DMD: variants seen among roughly 807,000 people sequenced by gnomAD.
DMD encodes dystrophin.
In DMD, 63 loss-of-function variants were observed where a neutral mutation model predicts 330.1. That is an observed-to-expected ratio of 0.19 (90% confidence interval 0.16 to 0.24). The LOEUF is 0.24. Among genes scored for constraint, DMD ranks in the 10% least tolerant of loss-of-function variants. The probability of loss-of-function intolerance (pLI) is 1.00; values close to 1 mark genes in which losing one functional copy is unlikely to be tolerated. For missense variants in DMD, 3,344 were observed against 2,684.1 expected, an observed-to-expected ratio of 1.25 and a Z score of -5.43; for synonymous variants, 1,223 against 959.8, an observed-to-expected ratio of 1.27 and a Z score of -5.07.
intron 16 of DMD, among the ~76,000 whole-genome samples, chrX:32,562,546 T>C (rs1024970991): frequency 3.5e-5 from 4 of 112,865 alleles, no homozygotes; most frequent in African/African-American, 6.4e-5. Flanking sequence ...GCTCATTCTT[T>C]ATACTAATTA....
At chrX:32,254,937 T>A (rs1007505566) in intron 43 of DMD, among the ~76,000 whole-genome samples, 5 of 111,707 alleles carry the variant, frequency 4.5e-5, no homozygotes, top group Non-Finnish European at 9.4e-5. Flanking sequence ...CCACCATCTA[T>A]CTCCAAAACT....
chrX:32,822,686 A>G (rs1279868514), intron 5 of DMD, among the ~76,000 whole-genome samples: 1 of 109,708 alleles, frequency 9.1e-6, no homozygotes, highest in East Asian at 2.9e-4. Context: ...GACACATTAT[A>G]TATATACGCA....
chrX:32,179,847 C>T (rs1339412712), intron 44 of DMD, among the ~76,000 whole-genome samples: 1 of 111,650 alleles, frequency 9.0e-6, no homozygotes, highest in East Asian at 2.8e-4. Flanking sequence ...CCTGCACACG[C>T]TCTTGCCTGC....
At chrX:31,642,185 T>G (rs1431698365) in intron 54 of DMD, among the ~76,000 whole-genome samples, 1 of 112,270 alleles carries the variant, frequency 8.9e-6, no homozygotes, top group Non-Finnish European at 1.9e-5. Context: ...TCCACTGCTA[T>G]AAGTGTCATG....
upstream of DMD, among the ~76,000 whole-genome samples, chrX:33,215,842 G>A (rs12015039): frequency 0.041 from 4,531 of 111,306 alleles, 71 homozygotes; most frequent in Middle Eastern, 0.1. Flanking sequence ...TAGGTGTGTC[G>A]CTTTGTTTCT....
At chrX:32,205,944 G>T in intron 44 of DMD, 1 of 390,675 alleles carries the variant, frequency 2.6e-6, no homozygotes. Context: ...CTATCTTTTT[G>T]GTTGTGAACT....
At chrX:32,988,003 T>C (rs369352783) in intron 2 of DMD, among the ~76,000 whole-genome samples, 105 of 109,245 alleles carry the variant, frequency 9.6e-4, no homozygotes, top group African/African-American at 3.3e-3. Context: ...ATATATAAAA[T>C]CACACACAGC....
intron 49 of DMD, among the ~76,000 whole-genome samples, chrX:31,824,805 T>C (rs1376625901): frequency 9.0e-6 from 1 of 111,347 alleles, no homozygotes. Flanking sequence ...CAAAAGATAA[T>C]ATATAGTAAG....
chrX:32,219,370 G>A (rs1430430006), intron 43 of DMD, among the ~76,000 whole-genome samples: 1 of 111,911 alleles, frequency 8.9e-6, no homozygotes, highest in Admixed American at 9.5e-5. Flanking sequence ...GAGTCAAAGA[G>A]TTGCTTTTGA....
chrX:32,810,876 T>G (rs2077320707), intron 6 of DMD, among the ~76,000 whole-genome samples: 1 of 111,803 alleles, frequency 8.9e-6, no homozygotes, highest in African/African-American at 3.3e-5. Flanking sequence ...TTTTATTTCT[T>G]GTCTCTTTCC....
chrX:31,808,693 G>C (rs971695926), intron 50 of DMD, among the ~76,000 whole-genome samples: 7 of 110,621 alleles, frequency 6.3e-5, no homozygotes, highest in African/African-American at 2.3e-4. Context: ...TCCTGACCTT[G>C]AAAAAAAAGC....
At chrX:32,258,906 T>G (rs952997742) in intron 43 of DMD, among the ~76,000 whole-genome samples, 3 of 111,071 alleles carry the variant, frequency 2.7e-5, no homozygotes, top group Admixed American at 9.6e-5. Context: ...AATAGAAAAA[T>G]AAATGATTCA....
At chrX:32,785,767 TAGAG>T (rs1356254239) in intron 7 of DMD, among the ~76,000 whole-genome samples, 1 of 111,373 alleles carries the variant, frequency 9.0e-6, no homozygotes, top group Non-Finnish European at 1.9e-5. Flanking sequence ...CGAGATATAA[TAGAG>T]AGAAAAAAAT....
At chrX:32,893,092 G>T (rs887483658) in intron 2 of DMD, among the ~76,000 whole-genome samples, 1 of 112,236 alleles carries the variant, frequency 8.9e-6, no homozygotes, top group Admixed American at 9.4e-5. Flanking sequence ...TGATAGATCA[G>T]CTGCTACACT....
intron 37 of DMD, among the ~76,000 whole-genome samples, chrX:32,360,491 T>A (rs1311869508): frequency 9.0e-6 from 1 of 111,269 alleles, no homozygotes; most frequent in East Asian, 2.8e-4. Flanking sequence ...AATTAACATA[T>A]AATTGAAAAT....
chrX:31,635,880 G>A (rs999522417), intron 54 of DMD, among the ~76,000 whole-genome samples: 1 of 111,627 alleles, frequency 9.0e-6, no homozygotes, highest in Admixed American at 9.5e-5. Context: ...TTGGAGAAAT[G>A]CAAATCAAAA....
intron 47 of DMD, among the ~76,000 whole-genome samples, chrX:31,896,598 C>T (rs988179601): frequency 1.1e-4 from 12 of 111,175 alleles, no homozygotes; most frequent in Non-Finnish European, 2.3e-4. Context: ...AAGAAAACTG[C>T]CAAATTAGAA....
chrX:31,174,442 T>C (rs2040315285), intron 71 of DMD, among the ~76,000 whole-genome samples: 1 of 111,739 alleles, frequency 8.9e-6, no homozygotes, highest in Admixed American at 9.5e-5. Flanking sequence ...ATCTATTAAT[T>C]ATCCTTGAAG....
At chrX:32,365,671 C>T (rs1344050563) in intron 34 of DMD, among the ~76,000 whole-genome samples, 2 of 111,196 alleles carry the variant, frequency 1.8e-5, no homozygotes, top group Non-Finnish European at 3.8e-5. Context: ...CTTTTAAATG[C>T]ATAAAACAAA....
Sources: allele counts gnomAD v4.1 joint callset (sites outside exome capture counted in the v4.1 genomes callset), GRCh38; gene constraint gnomAD v4.1.1; transcripts MANE v1.5; gene names NCBI Gene and HGNC (gene_info 2026-07-23, HGNC 2026-07-21).